The following PCDH11X variants were observed in gnomAD, a reference collection of about 807,000 sequenced individuals.
PCDH11X encodes protocadherin-11 X-linked.
In PCDH11X, 18 loss-of-function variants were observed where a neutral mutation model predicts 53.3. The ratio of observed to expected loss-of-function variants is 0.34; its 90% CI spans 0.23 to 0.50. The LOEUF is 0.50. Ranked by LOEUF, PCDH11X falls within the 20% of genes least tolerant of loss-of-function variation. The probability of loss-of-function intolerance (pLI) is 0.98; values close to 1 mark genes in which losing one functional copy is unlikely to be tolerated. For missense variants in PCDH11X, 570 were observed against 1,032.4 expected (o/e 0.55, Z 6.14); for synonymous variants, 279 against 393.3 (o/e 0.71, Z 3.44).
At chrX:91,915,932 T>C (rs1350182338) in intron 6 of PCDH11X, among the ~76,000 whole-genome samples, 1 of 110,294 alleles carries the variant, frequency 9.1e-6, no homozygotes, top group Non-Finnish European at 1.9e-5. Flanking sequence ...GAGTAGAACA[T>C]GTGATAGGTC....
chrX:92,515,351 T>G (rs2074246162), intron 10 of PCDH11X: 1 of 137,468 alleles, frequency 7.3e-6, no homozygotes, highest in Non-Finnish European at 1.5e-5. Flanking sequence ...GACCCTGATT[T>G]CGAAGGTGGT....
chrX:91,802,098 A>G (rs1458257118), intron 1 of PCDH11X, among the ~76,000 whole-genome samples: 2 of 113,142 alleles, frequency 1.8e-5, no homozygotes, highest in Non-Finnish European at 3.7e-5. Flanking sequence ...AATCATACAC[A>G]TGCATCTGCA....
At chrX:92,393,939 T>C (rs979884037) in intron 9 of PCDH11X, among the ~76,000 whole-genome samples, 15 of 111,309 alleles carry the variant, frequency 1.3e-4, no homozygotes, top group African/African-American at 4.6e-4. Context: ...TTTTCAAAAG[T>C]AAATCTTTCT....
At chrX:91,904,863 G>A (rs745953334) in intron 6 of PCDH11X, among the ~76,000 whole-genome samples, 27 of 109,754 alleles carry the variant, frequency 2.5e-4, no homozygotes, top group African/African-American at 6.9e-4. Flanking sequence ...AGCCAACAGC[G>A]TAATTCACAA....
At chrX:92,340,190 G>A (rs1485642336) in intron 8 of PCDH11X, among the ~76,000 whole-genome samples, 1 of 111,425 alleles carries the variant, frequency 9.0e-6, no homozygotes, top group Non-Finnish European at 1.9e-5. Context: ...GGCTCCCAAG[G>A]CTTTGGGCAG....
chrX:92,070,186 G>A (rs145684294), intron 6 of PCDH11X, among the ~76,000 whole-genome samples: 2,579 of 111,267 alleles, frequency 0.023, 91 homozygotes, highest in African/African-American at 0.079. Context: ...TTTCTATTTC[G>A]AGTAAGAGTA....
chrX:92,281,271 C>T (rs760886371), intron 8 of PCDH11X, among the ~76,000 whole-genome samples: 5 of 111,787 alleles, frequency 4.5e-5, no homozygotes, highest in African/African-American at 6.5e-5. Flanking sequence ...CACATACACA[C>T]GCATACATAC....
At chrX:92,508,652 A>G (rs2074110669) in intron 10 of PCDH11X, among the ~76,000 whole-genome samples, 2 of 110,341 alleles carry the variant, frequency 1.8e-5, no homozygotes, top group African/African-American at 6.6e-5. Flanking sequence ...ATAAAAATAA[A>G]TAGAATATGG....
intron 6 of PCDH11X, among the ~76,000 whole-genome samples, chrX:92,095,324 CTAATAT>C (rs1465800830): frequency 9.0e-6 from 1 of 111,018 alleles, no homozygotes; most frequent in Non-Finnish European, 1.9e-5. Context: ...AATTCTATTC[CTAATAT>C]TATGTTTTTT....
intron 7 of PCDH11X, among the ~76,000 whole-genome samples, chrX:92,239,770 C>A (rs1400792252): frequency 9.0e-6 from 1 of 111,601 alleles, no homozygotes; most frequent in Non-Finnish European, 1.9e-5. Context: ...CACATTTCTG[C>A]AACTTCTGGC....
intron 6 of PCDH11X, among the ~76,000 whole-genome samples, chrX:92,146,894 G>C (rs2065275976): frequency 9.1e-6 from 1 of 110,309 alleles, no homozygotes; most frequent in South Asian, 3.9e-4. Context: ...AGCTACTCGG[G>C]AGGCTGAGGC....
chrX:91,946,099 C>T (rs1398654153), intron 6 of PCDH11X, among the ~76,000 whole-genome samples: 1 of 109,463 alleles, frequency 9.1e-6, no homozygotes, highest in African/African-American at 3.3e-5. Context: ...TTATTTAGTA[C>T]ACTAGGATGT....
intron 8 of PCDH11X, among the ~76,000 whole-genome samples, chrX:92,285,889 A>G (rs1176830583): frequency 2.7e-5 from 3 of 111,766 alleles, no homozygotes; most frequent in African/African-American, 6.5e-5. Context: ...GTTTCTATAG[A>G]TTATAGATTA....
At chrX:92,130,366 G>T (rs1273212454) in intron 6 of PCDH11X, among the ~76,000 whole-genome samples, 1 of 110,585 alleles carries the variant, frequency 9.0e-6, no homozygotes, top group African/African-American at 3.3e-5. Context: ...TATTATTGAG[G>T]CCGGGCACGG....
intron 8 of PCDH11X, among the ~76,000 whole-genome samples, chrX:92,369,743 A>G (rs1412945498): frequency 9.0e-6 from 1 of 111,328 alleles, no homozygotes; most frequent in African/African-American, 3.3e-5. Context: ...TCCCTTGGCT[A>G]GGGGAGGAAG....
intron 6 of PCDH11X, among the ~76,000 whole-genome samples, chrX:91,981,021 AATAT>A (rs1170462143): frequency 4.2e-5 from 4 of 96,199 alleles, no homozygotes; most frequent in Non-Finnish European, 8.2e-5. Context: ...ATATACACTG[AATAT>A]ATATATATAT....
chrX:92,419,908 C>T (rs2071921070), intron 9 of PCDH11X, among the ~76,000 whole-genome samples: 1 of 109,905 alleles, frequency 9.1e-6, no homozygotes, highest in Non-Finnish European at 1.9e-5. Flanking sequence ...TCTTGATCTC[C>T]TGACCTCGTG....
intron 6 of PCDH11X, among the ~76,000 whole-genome samples, chrX:91,932,671 A>AGTGT (rs67334455): frequency 0.053 from 5,050 of 94,435 alleles, 135 homozygotes; most frequent in East Asian, 0.1. Flanking sequence ...GCATTGTGTG[A>AGTGT]GTGTGTGTGT....
At chrX:92,480,015 T>C (rs905276048) in intron 10 of PCDH11X, among the ~76,000 whole-genome samples, 3 of 111,408 alleles carry the variant, frequency 2.7e-5, no homozygotes, top group Admixed American at 9.5e-5. Context: ...CTTTCCATAA[T>C]TCCATTTTTT....
Sources: allele counts gnomAD v4.1 joint callset (sites outside exome capture counted in the v4.1 genomes callset), GRCh38; gene constraint gnomAD v4.1.1; transcripts MANE v1.5; gene names NCBI Gene and HGNC (gene_info 2026-07-23, HGNC 2026-07-21).